AHI1: variants seen among roughly 807,000 people sequenced by gnomAD.
The protein encoded by AHI1 is jouberin.
AHI1 carries 123 observed loss-of-function variants against 149.3 expected under a neutral mutation model. That is an observed-to-expected ratio of 0.82 (90% CI 0.71 to 0.96). The LOEUF is 0.96. Ranked by LOEUF, AHI1 falls within the 40% of genes least tolerant of loss-of-function variation. The probability of loss-of-function intolerance (pLI) is 0.00; values close to 1 mark genes in which losing one functional copy is unlikely to be tolerated. For missense variants in AHI1, 1,439 were observed against 1,422.7 expected (o/e 1.01, Z -0.18); for synonymous variants, 475 against 459.8 (o/e 1.03, Z -0.42).
At chr6:135,370,546 CCT>C (rs959453764) in intron 23 of AHI1, among the ~76,000 whole-genome samples, 3 of 152,150 alleles carry the variant, frequency 2.0e-5, no homozygotes, top group African/African-American at 7.2e-5. Context: ...AAGGCTTGCT[CCT>C]CTGTTTGCCT....
intron 20 of AHI1, among the ~76,000 whole-genome samples, chr6:135,426,301 T>C (rs1583175799): frequency 6.6e-6 from 1 of 151,780 alleles, no homozygotes; most frequent in Non-Finnish European, 1.5e-5. Flanking sequence ...ATAAAATTCT[T>C]TAAAATAAGA....
intron 20 of AHI1, among the ~76,000 whole-genome samples, chr6:135,418,046 C>T (rs979668035): frequency 6.6e-6 from 1 of 151,874 alleles, no homozygotes; most frequent in Non-Finnish European, 1.5e-5. Context: ...TTCATTTTGT[C>T]ATTACTTTTT....
chr6:135,491,743 C>G (rs895544855), intron 4 of AHI1, among the ~76,000 whole-genome samples: 3 of 152,116 alleles, frequency 2.0e-5, no homozygotes, highest in African/African-American at 7.2e-5. Context: ...CAAACTATGG[C>G]CTGCAGGCTA....
At chr6:135,422,027 C>T (rs936766069) in intron 20 of AHI1, among the ~76,000 whole-genome samples, 1 of 151,960 alleles carries the variant, frequency 6.6e-6, no homozygotes, top group African/African-American at 2.4e-5. Flanking sequence ...CCATATAGAA[C>T]GTAGAAAACA....
intron 20 of AHI1, 81 bp from the exon 21 acceptor site, chr6:135,411,625 A>G (rs1046196613): frequency 3.5e-5 from 41 of 1,183,202 alleles, no homozygotes; most frequent in Non-Finnish European, 4.6e-5. Context: ...TTCAACAAAT[A>G]ATCAGAAACT....
chr6:135,299,668 G>A (rs922093375), intron 27 of AHI1, among the ~76,000 whole-genome samples: 1 of 152,252 alleles, frequency 6.6e-6, no homozygotes, highest in Admixed American at 6.5e-5. Flanking sequence ...AGGCAAAAGA[G>A]TGACTTTTGA....
intron 25 of AHI1, among the ~76,000 whole-genome samples, chr6:135,320,875 A>C (rs1399630304): frequency 6.6e-6 from 1 of 152,152 alleles, no homozygotes. Context: ...CTCCTGTTTA[A>C]CCTCAGCTGT....
At chr6:135,457,400 C>G (rs1180760944) in intron 9 of AHI1, 94 bp downstream of exon 9, 2 of 879,236 alleles carry the variant, frequency 2.3e-6, no homozygotes, top group Admixed American at 2.3e-5. Flanking sequence ...AAATCCATAA[C>G]TCTATTCCCA....
At chr6:135,334,402 T>A (rs1789059184) in intron 24 of AHI1, among the ~76,000 whole-genome samples, 1 of 152,130 alleles carries the variant, frequency 6.6e-6, no homozygotes, top group Non-Finnish European at 1.5e-5. Context: ...TGAGCCCTCA[T>A]CAGACATCAA....
chr6:135,490,265 C>T (rs1280733287), intron 5 of AHI1: 2 of 716,628 alleles, frequency 2.8e-6, no homozygotes, highest in Non-Finnish European at 2.6e-6. Context: ...TAAATAAGCA[C>T]AAGCTATTCA....
chr6:135,443,774 T>TC (rs754509889), intron 13 of AHI1, among the ~76,000 whole-genome samples: 1 of 152,142 alleles, frequency 6.6e-6, no homozygotes, highest in Non-Finnish European at 1.5e-5. Context: ...GACTCCATGC[T>TC]CCCCATCCTT....
chr6:135,293,146 T>C (rs1423439302), intron 27 of AHI1, among the ~76,000 whole-genome samples: 2 of 151,954 alleles, frequency 1.3e-5, no homozygotes, highest in Non-Finnish European at 2.9e-5. Flanking sequence ...ACAAAAACCA[T>C]AGATTACTTA....
chr6:135,428,500 T>TA (rs1784212962), intron 19 of AHI1, 129 bp downstream of exon 19: 1 of 1,185,574 alleles, frequency 8.4e-7, no homozygotes, highest in Non-Finnish European at 1.1e-6. Context: ...TTTCTAATCT[T>TA]AAAAAACATA....
At chr6:135,383,226 C>CTTT (rs764546253) in intron 23 of AHI1, among the ~76,000 whole-genome samples, 13 of 76,868 alleles carry the variant, frequency 1.7e-4, no homozygotes, top group African/African-American at 2.0e-4. Flanking sequence ...TCCCCCCTCC[C>CTTT]TTTTTTTTTT....
At position 135,463,793 on chromosome 6, in the gene AHI1, C is replaced by T. The variant is rs528256882; in HGVS notation, c.750-487G>A. Among the ~76,000 whole-genome samples, 10 of 152,122 alleles carry T rather than the reference C, an allele frequency of 6.6e-5. No homozygotes were observed. The South Asian group carries it at 2.1e-3, about 32-fold the overall frequency. On this transcript the variant is annotated intron_variant, in intron 7 of 28. Coordinates refer to ENST00000265602, the MANE Select transcript of AHI1 (RefSeq NM_001134831.2). ...TTAAGACTGGGTTTCGCGCTGTCGC[C>T]CAAGTTGGAGTGCAGTGGTACAATC...
intron 27 of AHI1, among the ~76,000 whole-genome samples, chr6:135,299,870 T>C (rs7765602): frequency 0.2 from 30,111 of 152,142 alleles, 7,729 homozygotes; most frequent in African/African-American, 0.6. Flanking sequence ...TTACTTTTAA[T>C]ACACGTTCAC....
chr6:135,454,997 T>A (rs534226800), intron 10 of AHI1, among the ~76,000 whole-genome samples: 1 of 152,306 alleles, frequency 6.6e-6, no homozygotes, highest in Admixed American at 6.5e-5. Flanking sequence ...CATGCTAAAC[T>A]TCTCCATCTA....
At chr6:135,323,463 T>TA in intron 24 of AHI1, 139 bp from the exon 25 acceptor site, 1 of 798,924 alleles carries the variant, frequency 1.3e-6, no homozygotes, top group Non-Finnish European at 1.9e-6. Context: ...CAAGGTTTGC[T>TA]AATGGGATGA....
chr6:135,396,632 C>T (rs1409741432), intron 22 of AHI1, among the ~76,000 whole-genome samples: 1 of 151,724 alleles, frequency 6.6e-6, no homozygotes, highest in African/African-American at 2.4e-5. Context: ...TCTGTGCTTT[C>T]AAATGGAAAA....
Sources: gnomAD v4.1 joint callset for allele counts (sites outside exome capture counted in the v4.1 genomes callset) on GRCh38, gnomAD v4.1.1 for gene constraint, MANE v1.5 for transcripts, NCBI Gene and HGNC (gene_info 2026-07-23, HGNC 2026-07-21) for gene names.